RNF220: variants seen among roughly 807,000 people sequenced by gnomAD.
The protein encoded by RNF220 is ring finger protein 220.
Under a neutral mutation model 67.1 loss-of-function variants are expected in RNF220, and 7 were observed. That is an observed-to-expected ratio of 0.10 (90% CI 0.06 to 0.20). RNF220 has a LOEUF of 0.20. Among genes scored for constraint, RNF220 ranks in the 10% least tolerant of loss-of-function variants. The probability of loss-of-function intolerance (pLI) is 1.00; values close to 1 mark genes in which losing one functional copy is unlikely to be tolerated. For missense variants in RNF220, 565 were observed against 740.3 expected (o/e 0.76, Z 2.75); for synonymous variants, 270 against 283.2 (o/e 0.95, Z 0.47).
chr1:44,551,427 A>G (rs1390618230), intron 2 of RNF220, among the ~76,000 whole-genome samples: 1 of 150,456 alleles, frequency 6.6e-6, no homozygotes, highest in Non-Finnish European at 1.5e-5. Flanking sequence ...TTTTTTTGTT[A>G]TTATTAATAG....
chr1:44,454,766 A>G (rs1653016310), intron 2 of RNF220, among the ~76,000 whole-genome samples: 1 of 152,046 alleles, frequency 6.6e-6, no homozygotes, highest in African/African-American at 2.4e-5. Flanking sequence ...TTTAACCACC[A>G]CCACAATCAG....
Position 44,644,976 on chromosome 1 carries a change from TC to T in RNF220, c.1224-17del. 1.9e-6 allele frequency: 3 copies of T among 1,613,354 alleles called. No individual in the cohort carries two copies. Among genetic ancestry groups the T allele is most frequent in the Non-Finnish European group, 2.5e-6 (3 of 1,179,560 alleles). On this transcript the variant is annotated intron_variant, in intron 9 of 14. Transcript: ENST00000361799. ...GCCTGCTGCAAACTAGGATCCATTG[TC>T]CTTGACCACCATGCCAGATACACAG...
At chr1:44,594,323 A>C (rs1666322015) in intron 2 of RNF220, among the ~76,000 whole-genome samples, 1 of 145,300 alleles carries the variant, frequency 6.9e-6, no homozygotes, top group Non-Finnish European at 1.5e-5. Context: ...CCTCCATCCT[A>C]CCCCCTTCAC....
intron 2 of RNF220, among the ~76,000 whole-genome samples, chr1:44,517,284 A>C (rs1433255126): frequency 1.3e-5 from 2 of 152,116 alleles, no homozygotes; most frequent in Non-Finnish European, 2.9e-5. Context: ...TAACGCGGCA[A>C]GACCTGCCCC....
chr1:44,597,996 C>G (rs275069), intron 2 of RNF220, among the ~76,000 whole-genome samples: 6,118 of 151,654 alleles, frequency 0.04, 212 homozygotes, highest in East Asian at 0.16. Flanking sequence ...CGTTCTCTCT[C>G]GAACACAGGT....
intron 2 of RNF220, among the ~76,000 whole-genome samples, chr1:44,472,591 C>T (rs1461795963): frequency 6.6e-6 from 1 of 152,076 alleles, no homozygotes; most frequent in Non-Finnish European, 1.5e-5. Flanking sequence ...CAGTACTGAA[C>T]ATTTTGAATG....
intron 2 of RNF220, among the ~76,000 whole-genome samples, chr1:44,438,475 G>A (rs1249828777): frequency 6.6e-6 from 1 of 152,170 alleles, no homozygotes; most frequent in African/African-American, 2.4e-5. Flanking sequence ...CTATCATTAA[G>A]TAAAATTGGT....
chr1:44,523,465 A>C (rs1572762927), intron 2 of RNF220, among the ~76,000 whole-genome samples: 1 of 152,202 alleles, frequency 6.6e-6, no homozygotes, highest in Non-Finnish European at 1.5e-5. Flanking sequence ...GGACATTTAG[A>C]GTGGGGATAG....
At chr1:44,465,998 T>C (rs1203361154) in intron 2 of RNF220, among the ~76,000 whole-genome samples, 1 of 152,190 alleles carries the variant, frequency 6.6e-6, no homozygotes, top group African/African-American at 2.4e-5. Flanking sequence ...CACATTGACT[T>C]TTTATGAAAG....
chr1:44,440,509 CTGT>C, intron 2 of RNF220, among the ~76,000 whole-genome samples: 1 of 152,338 alleles, frequency 6.6e-6, no homozygotes, highest in East Asian at 1.9e-4. Context: ...TTAAAATTTA[CTGT>C]TTAACAGCCC....
intron 2 of RNF220, among the ~76,000 whole-genome samples, chr1:44,447,732 G>A (rs1056873320): frequency 6.6e-6 from 1 of 152,144 alleles, no homozygotes; most frequent in African/African-American, 2.4e-5. Context: ...TTTAAAAACC[G>A]GAGTTTAGAG....
chr1:44,568,532 GCCA>G (rs1403832176), intron 2 of RNF220, among the ~76,000 whole-genome samples: 19 of 152,308 alleles, frequency 1.2e-4, no homozygotes, highest in Admixed American at 3.9e-4. Context: ...ATGGGCAAAT[GCCA>G]GCTGGGATAT....
chr1:44,601,610 T>C (rs533603234), intron 2 of RNF220, among the ~76,000 whole-genome samples: 1 of 151,572 alleles, frequency 6.6e-6, no homozygotes, highest in South Asian at 2.1e-4. Flanking sequence ...GAGGTGAGAG[T>C]AGATCCACAA....
At chr1:44,497,454 T>C (rs1271926059) in intron 2 of RNF220, among the ~76,000 whole-genome samples, 1 of 152,122 alleles carries the variant, frequency 6.6e-6, no homozygotes, top group Non-Finnish European at 1.5e-5. Flanking sequence ...CAACCACCAG[T>C]GTGGGATAAT....
At chr1:44,632,252 G>A (rs751416805) in intron 5 of RNF220, 91 bp from the exon 6 acceptor site, 4 of 1,613,358 alleles carry the variant, frequency 2.5e-6, no homozygotes, top group Non-Finnish European at 3.4e-6. Context: ...AGCTTTGGTC[G>A]GGGGTCCGGT....
chr1:44,531,488 C>T (rs1451751163), intron 2 of RNF220, among the ~76,000 whole-genome samples: 2 of 152,172 alleles, frequency 1.3e-5, no homozygotes, highest in Non-Finnish European at 2.9e-5. Context: ...AGCTCTTTGC[C>T]AGTTAACCCC....
intron 2 of RNF220, among the ~76,000 whole-genome samples, chr1:44,498,039 G>C (rs1657502587): frequency 6.6e-6 from 1 of 152,228 alleles, no homozygotes; most frequent in Admixed American, 6.5e-5. Flanking sequence ...CCATGGATCA[G>C]CCATGGCCTG....
chr1:44,456,697 C>T (rs906104615), intron 2 of RNF220, among the ~76,000 whole-genome samples: 1 of 152,158 alleles, frequency 6.6e-6, no homozygotes, highest in Non-Finnish European at 1.5e-5. Flanking sequence ...TTTCTAAAAT[C>T]ACAAACCTGA....
chr1:44,625,438 A>G (rs2148456440), intron 4 of RNF220, among the ~76,000 whole-genome samples: 1 of 152,300 alleles, frequency 6.6e-6, no homozygotes, highest in African/African-American at 2.4e-5. Context: ...TGAAGGATAA[A>G]TGGCTGCTCC....
Sources: gnomAD v4.1 joint callset for allele counts (sites outside exome capture counted in the v4.1 genomes callset) on GRCh38, gnomAD v4.1.1 for gene constraint, MANE v1.5 for transcripts, NCBI Gene and HGNC (gene_info 2026-07-23, HGNC 2026-07-21) for gene names.